PARD3B: variants seen among roughly 807,000 people sequenced by gnomAD.
PARD3B encodes par-3 family cell polarity regulator beta, also known as partitioning defective 3 homolog B.
A neutral mutation model predicts 130.2 loss-of-function variants in PARD3B; 103 were observed. That is an observed-to-expected ratio of 0.79 (90% confidence interval 0.67 to 0.93). The LOEUF (loss-of-function observed/expected upper bound fraction) is 0.93. Among genes scored for constraint, PARD3B ranks in the 40% least tolerant of loss-of-function variants. PARD3B has a pLI of 0.00. For missense variants in PARD3B, 1,609 were observed against 1,499.2 expected, an observed-to-expected ratio of 1.07 and a Z score of -1.21; for synonymous variants, 583 against 553.2, an observed-to-expected ratio of 1.05 and a Z score of -0.76.
At chr2:205,452,758 G>A (rs1351311466) in intron 20 of PARD3B, among the ~76,000 whole-genome samples, 2 of 152,116 alleles carry the variant, frequency 1.3e-5, no homozygotes, top group Non-Finnish European at 2.9e-5. Context: ...AATTGTCAGT[G>A]TCCAGGGGTG....
At chr2:205,340,081 C>T (rs546724841) in intron 18 of PARD3B, among the ~76,000 whole-genome samples, 1 of 152,078 alleles carries the variant, frequency 6.6e-6, no homozygotes, top group Admixed American at 6.5e-5. Flanking sequence ...AAAACCACTA[C>T]CTAGAATGAA....
chr2:205,020,535 G>A (rs928172579), intron 3 of PARD3B, among the ~76,000 whole-genome samples: 27 of 152,040 alleles, frequency 1.8e-4, no homozygotes, highest in African/African-American at 6.3e-4. Context: ...CTGGCTTTGG[G>A]AAAAAATACC....
chr2:204,718,082 G>A (rs2038819516), intron 2 of PARD3B, among the ~76,000 whole-genome samples: 1 of 152,086 alleles, frequency 6.6e-6, no homozygotes. Context: ...AGAAAGGCAC[G>A]TATCATGAGA....
chr2:205,347,441 A>G (rs1258787377), intron 18 of PARD3B, among the ~76,000 whole-genome samples: 2 of 152,232 alleles, frequency 1.3e-5, no homozygotes, highest in Admixed American at 6.5e-5. Context: ...TTATATGAAT[A>G]CCCAGGCTGT....
At position 205,116,427 on chromosome 2, in the gene PARD3B, G is replaced by A. The variant is rs530459658; in HGVS notation, c.681-2494G>A. On this transcript the variant is annotated intron_variant, in intron 6 of 22. Transcript: ENST00000406610. This position sits in a 1 kb window ranked among gnomAD's most constrained non-coding sequence, Gnocchi z 4.5. Reference sequence around the variant, plus strand: ...GGGAAAAGAACAGGAAGGGGGCAAGGAGAAGATGTTGGTGCCTAAATGATA... The same window carrying A: ...GGGAAAAGAACAGGAAGGGGGCAAGAAGAAGATGTTGGTGCCTAAATGATA... 2.0e-5 allele frequency among the ~76,000 whole-genome samples: 3 copies of A among 152,292 alleles called. No individual in the cohort carries two copies. In the South Asian group the frequency reaches 6.2e-4, roughly 32 times the overall value.
At chr2:205,234,593 A>G (rs1380907354) in intron 15 of PARD3B, among the ~76,000 whole-genome samples, 1 of 152,224 alleles carries the variant, frequency 6.6e-6, no homozygotes, top group African/African-American at 2.4e-5. Context: ...AGTTATAGTC[A>G]AAGATTTTGA....
chr2:204,672,297 A>G (rs11900079), intron 1 of PARD3B, among the ~76,000 whole-genome samples: 284 of 152,324 alleles, frequency 1.9e-3, no homozygotes, highest in African/African-American at 6.3e-3. Context: ...TATTTAAATG[A>G]AAATTTGTAT....
At chr2:205,471,659 G>A (rs925502483) in intron 20 of PARD3B, among the ~76,000 whole-genome samples, 8 of 151,946 alleles carry the variant, frequency 5.3e-5, no homozygotes, top group Admixed American at 1.3e-4. Flanking sequence ...CACCACGCCC[G>A]GCCCTCATTT....
intron 18 of PARD3B, among the ~76,000 whole-genome samples, chr2:205,363,750 C>T (rs966847564): frequency 2.6e-5 from 4 of 151,922 alleles, no homozygotes; most frequent in Non-Finnish European, 4.4e-5. Flanking sequence ...CTGCAACCTC[C>T]GCCTCCCGGG....
rs1001534997 is a variant in PARD3B, at chr2:205,142,645, C to T, written c.1435-16077C>T. On this transcript the variant is annotated intron_variant, in intron 10 of 22. Coordinates refer to ENST00000406610, the MANE Select transcript of PARD3B (RefSeq NM_001302769.2). The surrounding 1 kb of genome is among the most constrained non-coding windows in gnomAD (Gnocchi z 4.3). ...CTGTAATCCCAACACTTTGGGAGGC[C>T]GAGGTGGGCGGATCAAGAGGTCAGG... 3.8e-4 allele frequency among the ~76,000 whole-genome samples: 57 copies of T among 151,938 alleles called. No homozygotes were observed. Among genetic ancestry groups the T allele is most frequent in the African/African-American group, 1.3e-3 (52 of 41,368 alleles).
chr2:205,058,185 T>G (rs1458246339), intron 4 of PARD3B, among the ~76,000 whole-genome samples: 1 of 151,946 alleles, frequency 6.6e-6, no homozygotes, highest in Non-Finnish European at 1.5e-5. Context: ...TTTAATTGTA[T>G]TTGTCCTTTT....
rs1701192012 is a variant in PARD3B, at chr2:205,078,201, A to G, written c.505-26225A>G. ...GTTAAATGTTTAACCTGAGCTAATT[A>G]GGAGCCTTGAGAATTTTAGTTAGCA... On this transcript the variant is annotated intron_variant, in intron 4 of 22. Coordinates refer to ENST00000406610, the MANE Select transcript of PARD3B (RefSeq NM_001302769.2). This position sits in a 1 kb window ranked among gnomAD's most constrained non-coding sequence, Gnocchi z 4.0. Among the ~76,000 whole-genome samples the G allele has an allele frequency of 6.6e-6, 1 of 152,234 alleles. No individual in the cohort carries two copies. The highest frequency in any genetic ancestry group is 2.1e-4 in the South Asian group (1 of 4,836).
At chr2:204,563,404 T>A (rs1432593679) in intron 1 of PARD3B, among the ~76,000 whole-genome samples, 1 of 151,386 alleles carries the variant, frequency 6.6e-6, no homozygotes, top group Admixed American at 6.6e-5. Flanking sequence ...TGGGGGGGAC[T>A]GGGATCTCAA....
intron 18 of PARD3B, among the ~76,000 whole-genome samples, chr2:205,396,055 T>A (rs1195664704): frequency 6.6e-6 from 1 of 152,222 alleles, no homozygotes; most frequent in Non-Finnish European, 1.5e-5. Flanking sequence ...TTTACTGTTT[T>A]GAATACATCA....
intron 19 of PARD3B, among the ~76,000 whole-genome samples, chr2:205,426,092 G>A (rs73985019): frequency 0.013 from 2,026 of 152,096 alleles, 49 homozygotes; most frequent in African/African-American, 0.046. Flanking sequence ...AAAAATGGGC[G>A]GTACTGAAGG....
intron 1 of PARD3B, among the ~76,000 whole-genome samples, chr2:204,616,048 T>C (rs1161917699): frequency 2.0e-5 from 3 of 152,142 alleles, no homozygotes; most frequent in African/African-American, 7.2e-5. Context: ...AAAACCTAGA[T>C]GACCTTGAGT....
chr2:204,964,798 G>A (rs1691081796), intron 2 of PARD3B, among the ~76,000 whole-genome samples: 2 of 152,054 alleles, frequency 1.3e-5, no homozygotes, highest in African/African-American at 4.8e-5. Flanking sequence ...ATTTTTGGAA[G>A]CACTCTTTAA....
intron 13 of PARD3B, among the ~76,000 whole-genome samples, chr2:205,182,752 C>T (rs547619687): frequency 6.6e-6 from 1 of 152,192 alleles, no homozygotes; most frequent in Non-Finnish European, 1.5e-5. Context: ...CCTGTCACTG[C>T]ACAATGAGGT....
intron 18 of PARD3B, among the ~76,000 whole-genome samples, chr2:205,385,526 G>A (rs1024221966): frequency 6.6e-6 from 1 of 152,088 alleles, no homozygotes; most frequent in East Asian, 1.9e-4. Flanking sequence ...CGTATGTTCA[G>A]TATTCTAAAA....
Sources: allele counts gnomAD v4.1 joint callset (sites outside exome capture counted in the v4.1 genomes callset), GRCh38; gene constraint gnomAD v4.1.1; non-coding constraint Gnocchi (gnomAD v3.1); transcripts MANE v1.5; gene names NCBI Gene and HGNC (gene_info 2026-07-23, HGNC 2026-07-21).